GRM8: variants seen among roughly 807,000 people sequenced by gnomAD.
The protein encoded by GRM8 is glutamate metabotropic receptor 8.
In GRM8, 47 loss-of-function variants were observed where a neutral mutation model predicts 87.2. That is an observed-to-expected ratio of 0.54 (90% confidence interval 0.43 to 0.69). The LOEUF is 0.69. Ranked by LOEUF, GRM8 falls within the 30% of genes least tolerant of loss-of-function variation. GRM8 has a pLI of 0.00. For missense variants in GRM8, 1,019 were observed against 1,139.2 expected, an observed-to-expected ratio of 0.89 and a Z score of 1.52; for synonymous variants, 396 against 404.5, an observed-to-expected ratio of 0.98 and a Z score of 0.25.
At chr7:126,752,356 G>A (rs1458619324) in intron 7 of GRM8, among the ~76,000 whole-genome samples, 6 of 152,102 alleles carry the variant, frequency 3.9e-5, no homozygotes, top group Admixed American at 3.3e-4. Context: ...GTTGTTATCC[G>A]ATGTAGTTTG....
chr7:127,008,096 C>G (rs189020051), intron 3 of GRM8, among the ~76,000 whole-genome samples: 1 of 151,946 alleles, frequency 6.6e-6, no homozygotes, highest in African/African-American at 2.4e-5. Flanking sequence ...AGAGGAAAGT[C>G]AGACTTAAGA....
Position 126,523,654 on chromosome 7 carries a change from T to C in GRM8, c.2430+9298A>G, listed in dbSNP as rs537848191. Among the ~76,000 whole-genome samples the C allele has an allele frequency of 4.6e-5, 7 of 152,154 alleles. No homozygotes were observed. In the East Asian group the frequency reaches 1.2e-3, roughly 25 times the overall value. On this transcript the variant is annotated intron_variant, in intron 9 of 10. Transcript: ENST00000339582. The stretch of plus-strand genomic sequence containing the variant: ...GTGGGATTACAGGCACCTGCAATCA[T>C]GCCAGGCTAATTTTTGTATTTTTAG...
At chr7:126,597,218 C>G (rs1371126747) in intron 8 of GRM8, among the ~76,000 whole-genome samples, 1 of 152,052 alleles carries the variant, frequency 6.6e-6, no homozygotes, top group Non-Finnish European at 1.5e-5. Flanking sequence ...TTATTGGAAG[C>G]TTTGAGGAAA....
intron 7 of GRM8, among the ~76,000 whole-genome samples, chr7:126,749,243 C>G (rs980291535): frequency 6.6e-6 from 1 of 152,028 alleles, no homozygotes; most frequent in African/African-American, 2.4e-5. Flanking sequence ...TGCCACTGCA[C>G]TCCAGCCTAG....
chr7:127,061,285 G>T (rs753641858), intron 3 of GRM8, among the ~76,000 whole-genome samples: 6 of 152,136 alleles, frequency 3.9e-5, no homozygotes, highest in Non-Finnish European at 5.9e-5. Context: ...ATTGTGCTAG[G>T]TGATTTACAT....
intron 8 of GRM8, among the ~76,000 whole-genome samples, chr7:126,579,983 C>T (rs1227425512): frequency 1.3e-5 from 2 of 151,492 alleles, no homozygotes; most frequent in Admixed American, 1.3e-4. Context: ...AGAAAACGTG[C>T]TTATCCCATA....
At chr7:127,237,305 G>A in intron 2 of GRM8, among the ~76,000 whole-genome samples, 1 of 152,190 alleles carries the variant, frequency 6.6e-6, no homozygotes, top group East Asian at 1.9e-4. Flanking sequence ...GATTGAACAT[G>A]AAATTTACCT....
chr7:126,520,548 G>A (rs987725527), intron 9 of GRM8, among the ~76,000 whole-genome samples: 5 of 152,012 alleles, frequency 3.3e-5, no homozygotes, highest in Non-Finnish European at 7.4e-5. Flanking sequence ...ATAGTGCCTG[G>A]GAGAAAGTCC....
chr7:126,479,273 G>C (rs1199813278), intron 9 of GRM8, among the ~76,000 whole-genome samples: 1 of 152,008 alleles, frequency 6.6e-6, no homozygotes, highest in Non-Finnish European at 1.5e-5. Flanking sequence ...TCCACTTAAA[G>C]TACACAATTC....
intron 2 of GRM8, among the ~76,000 whole-genome samples, chr7:127,211,846 T>G (rs1423829865): frequency 1.3e-5 from 2 of 152,244 alleles, no homozygotes; most frequent in Non-Finnish European, 2.9e-5. Flanking sequence ...TTCTATCATT[T>G]ACAAATTACT....
chr7:127,223,658 G>T (rs1797113187), intron 2 of GRM8, among the ~76,000 whole-genome samples: 2 of 152,054 alleles, frequency 1.3e-5, no homozygotes, highest in Non-Finnish European at 2.9e-5. Context: ...GGCTGGTGGA[G>T]AATCAGGTCT....
At chr7:126,709,435 G>GGAGGAGGAAGAAGAGGAAGAA (rs1432401933) in intron 7 of GRM8, among the ~76,000 whole-genome samples, 1 of 151,742 alleles carries the variant, frequency 6.6e-6, no homozygotes, top group East Asian at 1.9e-4. Flanking sequence ...AGGAGGAGGA[G>GGAGGAGGAAGAAGAGGAAGAA]GAGGAGGAAG....
At chr7:126,566,562 C>A in intron 8 of GRM8, among the ~76,000 whole-genome samples, 1 of 152,082 alleles carries the variant, frequency 6.6e-6, no homozygotes, top group East Asian at 1.9e-4. Flanking sequence ...GAAACTGGAA[C>A]CCTTGCACAC....
intron 7 of GRM8, among the ~76,000 whole-genome samples, chr7:126,735,687 G>A (rs899188854): frequency 6.6e-6 from 1 of 151,934 alleles, no homozygotes; most frequent in Admixed American, 6.6e-5. Flanking sequence ...ATTTACTATT[G>A]TAAAGACTCT....
intron 3 of GRM8, among the ~76,000 whole-genome samples, chr7:127,006,341 T>C (rs190534482): frequency 6.6e-6 from 1 of 152,092 alleles, no homozygotes; most frequent in Admixed American, 6.6e-5. Flanking sequence ...TCCATTTGCA[T>C]GTAAACATGT....
intron 2 of GRM8, among the ~76,000 whole-genome samples, chr7:127,203,889 A>G (rs28948976): frequency 9.2e-5 from 14 of 152,232 alleles, no homozygotes; most frequent in African/African-American, 3.1e-4. Context: ...AAAAAACTCC[A>G]TAACTAGAAA....
intron 2 of GRM8, among the ~76,000 whole-genome samples, chr7:127,212,445 T>G (rs1022169855): frequency 2.3e-5 from 3 of 128,376 alleles, no homozygotes; most frequent in Non-Finnish European, 4.6e-5. Flanking sequence ...TGAGACGGAG[T>G]CTCGCTCTGT....
intron 3 of GRM8, among the ~76,000 whole-genome samples, chr7:126,907,409 G>T (rs1239644825): frequency 3.9e-5 from 6 of 152,100 alleles, no homozygotes; most frequent in Non-Finnish European, 8.8e-5. Context: ...ATTATAATAA[G>T]CCCTGTGAGG....
intron 9 of GRM8, among the ~76,000 whole-genome samples, chr7:126,454,879 A>T (rs1803050384): frequency 6.6e-6 from 1 of 151,676 alleles, no homozygotes; most frequent in East Asian, 1.9e-4. Context: ...ATCCAGCAGT[A>T]TGAGGAAATT....
Sources: gnomAD v4.1 joint callset for allele counts (sites outside exome capture counted in the v4.1 genomes callset) on GRCh38, gnomAD v4.1.1 for gene constraint, MANE v1.5 for transcripts, NCBI Gene and HGNC (gene_info 2026-07-23, HGNC 2026-07-21) for gene names.